OPRL1: variants seen among roughly 807,000 people sequenced by gnomAD.
OPRL1 encodes opioid related nociceptin receptor 1.
Under a neutral mutation model 15.5 loss-of-function variants are expected in OPRL1, and 5 were observed. The observed-to-expected ratio is 0.32, with a 90% CI of 0.17 to 0.68. The LOEUF (loss-of-function observed/expected upper bound fraction) is 0.68. Ranked by LOEUF, OPRL1 falls within the 30% of genes least tolerant of loss-of-function variation. The probability of loss-of-function intolerance (pLI) is 0.72; values close to 1 mark genes in which losing one functional copy is unlikely to be tolerated. For synonymous variants in OPRL1, 223 were observed against 230.2 expected, an observed-to-expected ratio of 0.97 and a Z score of 0.28; for missense variants, 406 against 515.3, an observed-to-expected ratio of 0.79 and a Z score of 2.05.
Position 64,090,304 on chromosome 20 carries a change from C to T in OPRL1, c.-184-1662C>T, listed in dbSNP as rs987543612. On this transcript the variant is annotated intron_variant, in intron 1 of 4. Coordinates refer to ENST00000336866, the MANE Select transcript of OPRL1 (RefSeq NM_182647.4). This position sits in a 1 kb window ranked among gnomAD's most constrained non-coding sequence, Gnocchi z 4.9. ...CTTGAGTGTCTCTGTTGACGTGCCC[C>T]GTGCCTTCACACGTGTCCCTGAGTC... Among the ~76,000 whole-genome samples, 18 of 152,168 alleles carry T rather than the reference C, an allele frequency of 1.2e-4. No homozygotes were observed. The highest frequency in any genetic ancestry group is 2.5e-4 in the Non-Finnish European group (17 of 68,036).
At chr20:64,086,771 G>A (rs2060055513) in intron 1 of OPRL1, among the ~76,000 whole-genome samples, 1 of 152,178 alleles carries the variant, frequency 6.6e-6, no homozygotes, top group African/African-American at 2.4e-5. Flanking sequence ...TAGCACAAAT[G>A]TGCGGCCTGG....
chr20:64,096,857 CCACTAT>C (rs1979195925), intron 3 of OPRL1, among the ~76,000 whole-genome samples: 3 of 117,386 alleles, frequency 2.6e-5, no homozygotes, highest in East Asian at 3.3e-4. Context: ...ACCACCATCA[CCACTAT>C]CACCACCACC....
In OPRL1 at chr20:64,089,386, G is replaced by A. The variant is rs137978589; in HGVS notation, c.-184-2580G>A. On this transcript the variant is annotated intron_variant, in intron 1 of 4. Transcript: ENST00000336866. The surrounding 1 kb of genome is among the most constrained non-coding windows in gnomAD (Gnocchi z 5.5). ...TGCCTTGGTGGGGGTGCAGGTGGCTGGTTGCTATTGCTGGGTGAGAAGGCT... is the reference window on the plus strand; with the variant it reads ...TGCCTTGGTGGGGGTGCAGGTGGCTAGTTGCTATTGCTGGGTGAGAAGGCT... Among the ~76,000 whole-genome samples, 529 of 152,194 alleles carry A rather than the reference G, an allele frequency of 3.5e-3. 5 individuals carry two copies. Among genetic ancestry groups the A allele is most frequent in the African/African-American group, 0.01 (434 of 41,524 alleles).
At chr20:64,087,715 ATGTG>A (rs1404283574) in intron 1 of OPRL1, among the ~76,000 whole-genome samples, 1 of 152,232 alleles carries the variant, frequency 6.6e-6, no homozygotes, top group East Asian at 1.9e-4. Flanking sequence ...TGCCCAGAAC[ATGTG>A]TGTTTGAGGT....
At position 64,092,880 on chromosome 20, in the gene OPRL1, A is replaced by G. The variant is rs1394417081; in HGVS notation, c.160A>G (p.Ile54Val). 1.2e-6 allele frequency: 2 copies of G among 1,612,558 alleles called. No individual in the cohort carries two copies. Among genetic ancestry groups the G allele is most frequent in the African/African-American group, 2.7e-5 (2 of 74,914 alleles). The change falls in exon 3 of 5, where the codon ATC becomes GTC. Residue 54 changes from isoleucine (I) to valine (V), a missense_variant. Ile to Val is a conservative substitution (Grantham distance 29). Coordinates refer to ENST00000336866, the MANE Select transcript of OPRL1 (RefSeq NM_182647.4). ...AFLPLGLKVTIVGLYLAVCVG... is the reference protein window; with the variant it reads ...AFLPLGLKVTVVGLYLAVCVG... ...CCTGCCCCTCGGGCTCAAGGTCACC[A>G]TCGTGGGGCTCTACCTGGCCGTGTG...
At position 64,089,982 on chromosome 20, in the gene OPRL1, G is replaced by A. The variant is rs1203078014; in HGVS notation, c.-184-1984G>A. On this transcript the variant is annotated intron_variant, in intron 1 of 4. Coordinates refer to ENST00000336866, the MANE Select transcript of OPRL1 (RefSeq NM_182647.4). This position sits in a 1 kb window ranked among gnomAD's most constrained non-coding sequence, Gnocchi z 5.5. ...CCCTCTCGGCTCCTGAGGTCAGGGGGCTCACCCTCGAGCTTTGCCTGGAGA... is the reference window on the plus strand; with the variant it reads ...CCCTCTCGGCTCCTGAGGTCAGGGGACTCACCCTCGAGCTTTGCCTGGAGA... Among the ~76,000 whole-genome samples, 4 of 152,218 alleles carry A rather than the reference G, an allele frequency of 2.6e-5. No homozygotes were observed. The highest frequency in any genetic ancestry group is 7.2e-5 in the African/African-American group (3 of 41,446).
chr20:64,084,284 G>A (rs1394672419), intron 1 of OPRL1: 3 of 1,308,706 alleles, frequency 2.3e-6, no homozygotes, highest in African/African-American at 1.6e-5. Flanking sequence ...GGCCCTGCCC[G>A]CCCCTCGGCA....
At chr20:64,087,981 G>A (rs943101220) in intron 1 of OPRL1, among the ~76,000 whole-genome samples, 3 of 152,232 alleles carry the variant, frequency 2.0e-5, no homozygotes, top group African/African-American at 4.8e-5. Flanking sequence ...CACTGTCAGT[G>A]TCACACCTGG....
chr20:64,083,903 CGCTCGGCGGGCA>C lies in OPRL1; in HGVS notation c.-185+3557_-185+3568del. 1 of 1,445,408 alleles carries C rather than the reference CGCTCGGCGGGCA, an allele frequency of 6.9e-7. No homozygotes were observed. The highest frequency in any genetic ancestry group is 3.0e-5 in the East Asian group (1 of 32,818). The allele number at this position is 1,445,408 out of a possible 1,614,324, so 89.5% of individuals were successfully genotyped here. On this transcript the variant is annotated intron_variant, in intron 1 of 4. Coordinates refer to ENST00000336866, the MANE Select transcript of OPRL1 (RefSeq NM_182647.4). The surrounding 1 kb of genome is among the most constrained non-coding windows in gnomAD (Gnocchi z 4.9). ...GAGGACGCCGAGGAGCCGGTTCTGG[CGCTCGGCGGGCA>C]GCTCGAGCGACTGCGTCCACGGGCG... is the stretch of plus-strand genomic sequence containing the variant.
At chr20:64,086,240 G>A (rs1472640715) in intron 1 of OPRL1, among the ~76,000 whole-genome samples, 1 of 152,224 alleles carries the variant, frequency 6.6e-6, no homozygotes, top group African/African-American at 2.4e-5. Context: ...TTGTGGGGGA[G>A]TCACGCAGGG....
chr20:64,084,494 T>G, intron 1 of OPRL1: 1 of 792,806 alleles, frequency 1.3e-6, no homozygotes, highest in Non-Finnish European at 1.7e-6. Flanking sequence ...AGGAAATATC[T>G]TTCCTACCCG....
intron 3 of OPRL1, among the ~76,000 whole-genome samples, chr20:64,095,740 C>T (rs1452000263): frequency 6.6e-6 from 1 of 151,844 alleles, no homozygotes; most frequent in Non-Finnish European, 1.5e-5. Flanking sequence ...AGCAAGTGTT[C>T]CCTCCTTACA....
intron 3 of OPRL1, 29 bp downstream of exon 3, chr20:64,092,982 G>T (rs1291975316): frequency 6.3e-7 from 1 of 1,596,470 alleles, no homozygotes; most frequent in Non-Finnish European, 8.6e-7. Flanking sequence ...TTCCTGTCTG[G>T]TGAGTCCCAC....
chr20:64,098,807 T>C lies in OPRL1; in HGVS notation c.*8T>C. On this transcript the variant is annotated 3_prime_UTR_variant, in exon 5 of 5. Coordinates refer to ENST00000336866, the MANE Select transcript of OPRL1 (RefSeq NM_182647.4). Reference sequence around the variant, plus strand: ...GTACCGCGGCCCGCATGACTAGGCGTGGACCTGCCCATGGTGCCTGTCAGC... The same window carrying C: ...GTACCGCGGCCCGCATGACTAGGCGCGGACCTGCCCATGGTGCCTGTCAGC... 2 of 1,580,694 alleles carry C rather than the reference T, an allele frequency of 1.3e-6. No homozygotes were observed. The highest frequency in any genetic ancestry group is 2.3e-5 in the South Asian group (2 of 87,960).
chr20:64,088,922 A>G lies in OPRL1; in HGVS notation c.-184-3044A>G, dbSNP rs62218116. On this transcript the variant is annotated intron_variant, in intron 1 of 4. Coordinates refer to ENST00000336866, the MANE Select transcript of OPRL1 (RefSeq NM_182647.4). The stretch of plus-strand genomic sequence containing the variant: ...CCAGGGTCTGTGCAGAGTGGCCAGG[A>G]TCTGTGCAAGGGGTAGGATCTGTGC... 6.0e-5 allele frequency among the ~76,000 whole-genome samples: 6 copies of G among 99,758 alleles called. 1 individual carries two copies. Among genetic ancestry groups the G allele is most frequent in the Admixed American group, 9.2e-5 (1 of 10,910 alleles). 65.4% of individuals were successfully genotyped at this position (99,758 alleles called of 152,430 possible). A position where few individuals can be genotyped will look rare whatever the true frequency, so the allele number is the denominator to read the frequency against.
chr20:64,087,874 G>A (rs1016959422), intron 1 of OPRL1, among the ~76,000 whole-genome samples: 1 of 152,236 alleles, frequency 6.6e-6, no homozygotes, highest in African/African-American at 2.4e-5. Flanking sequence ...CTCTATTAGG[G>A]GTCTAGAGAT....
chr20:64,088,724 A>G (rs201918681), intron 1 of OPRL1, among the ~76,000 whole-genome samples: 845 of 12,430 alleles, frequency 0.068, 1 homozygote, highest in Non-Finnish European at 0.082. Flanking sequence ...AGTGGCCAGG[A>G]TCTGTGCAAG....
chr20:64,083,763 G>A lies in OPRL1; in HGVS notation c.-185+3411G>A. 2 of 1,334,224 alleles carry A rather than the reference G, an allele frequency of 1.5e-6. No individual in the cohort carries two copies. The highest frequency in any genetic ancestry group is 1.9e-6 in the Non-Finnish European group (2 of 1,048,344). The allele number at this position is 1,334,224 out of a possible 1,614,324, so 82.6% of individuals were successfully genotyped here. A position where few individuals can be genotyped will look rare whatever the true frequency, so the allele number is the denominator to read the frequency against. On this transcript the variant is annotated intron_variant, in intron 1 of 4. Transcript: ENST00000336866. The surrounding 1 kb of genome is among the most constrained non-coding windows in gnomAD (Gnocchi z 4.9). ...GCCCCGCCCCGCCCCGCCCCGGCCG[G>A]CTCCGCTCAACGCTCCCGGTGCGCC...
rs992276785 is a variant in OPRL1, at chr20:64,090,084, T to G, written c.-184-1882T>G. The stretch of plus-strand genomic sequence containing the variant: ...GTCTGCCTGTTCCCAAAGGTGTCCA[T>G]GCACACTCTAGGTCTACCCATGTGC... On this transcript the variant is annotated intron_variant, in intron 1 of 4. Coordinates refer to ENST00000336866, the MANE Select transcript of OPRL1 (RefSeq NM_182647.4). The surrounding 1 kb of genome is among the most constrained non-coding windows in gnomAD (Gnocchi z 4.9). Among the ~76,000 whole-genome samples the G allele has an allele frequency of 6.6e-6, 1 of 152,192 alleles. No homozygotes were observed. The highest frequency in any genetic ancestry group is 1.5e-5 in the Non-Finnish European group (1 of 68,034).
Sources: gnomAD v4.1 joint callset for allele counts (sites outside exome capture counted in the v4.1 genomes callset) on GRCh38, gnomAD v4.1.1 for gene constraint, Gnocchi (gnomAD v3.1) non-coding constraint, MANE v1.5 for transcripts, NCBI Gene and HGNC (gene_info 2026-07-23, HGNC 2026-07-21) for gene names.